TRABD2B: variants seen among roughly 807,000 people sequenced by gnomAD.
TRABD2B encodes metalloprotease TIKI2.
TRABD2B carries 14 observed loss-of-function variants against 40.1 expected under a neutral mutation model. That is an observed-to-expected ratio of 0.35 (90% confidence interval 0.23 to 0.55). The LOEUF (loss-of-function observed/expected upper bound fraction) is 0.55. Among genes scored for constraint, TRABD2B ranks in the 20% least tolerant of loss-of-function variants. The pLI is 0.90. For missense variants in TRABD2B, 541 were observed against 648.6 expected (o/e 0.83, Z 1.80); for synonymous variants, 263 against 277.0 (o/e 0.95, Z 0.50).
At chr1:47,959,204 T>C (rs1004647817) in intron 2 of TRABD2B, among the ~76,000 whole-genome samples, 1 of 152,004 alleles carries the variant, frequency 6.6e-6, no homozygotes, top group African/African-American at 2.4e-5. Context: ...CTGGGACACA[T>C]TTAAAGCACT....
chr1:47,927,790 C>T (rs1460329673), intron 2 of TRABD2B, among the ~76,000 whole-genome samples: 1 of 152,228 alleles, frequency 6.6e-6, no homozygotes, highest in Non-Finnish European at 1.5e-5. Context: ...GGGAGACATT[C>T]TCCTTGCCCT....
At chr1:47,858,081 T>C (rs182729936) in intron 2 of TRABD2B, among the ~76,000 whole-genome samples, 11 of 152,234 alleles carry the variant, frequency 7.2e-5, no homozygotes, top group African/African-American at 2.4e-4. Context: ...GCTGAATTTA[T>C]AAATCAAACT....
At chr1:47,781,343 G>C (rs572099332) in intron 4 of TRABD2B, among the ~76,000 whole-genome samples, 1 of 152,320 alleles carries the variant, frequency 6.6e-6, no homozygotes, top group South Asian at 2.1e-4. Context: ...GGGCTGTACA[G>C]GAGCAGCAGC....
chr1:47,924,136 C>T (rs945484503), intron 2 of TRABD2B, among the ~76,000 whole-genome samples: 11 of 152,034 alleles, frequency 7.2e-5, no homozygotes, highest in Admixed American at 2.0e-4. Flanking sequence ...CACTCTGCCA[C>T]GGAATACGTG....
chr1:47,781,632 C>A (rs1052492506), intron 4 of TRABD2B, among the ~76,000 whole-genome samples: 1 of 152,212 alleles, frequency 6.6e-6, no homozygotes, highest in South Asian at 2.1e-4. Flanking sequence ...CAGGAATAAT[C>A]CTTCCAATTC....
intron 2 of TRABD2B, among the ~76,000 whole-genome samples, chr1:47,953,183 A>G (rs1324540469): frequency 6.6e-6 from 1 of 152,234 alleles, no homozygotes; most frequent in Non-Finnish European, 1.5e-5. Flanking sequence ...CGAGAGCACC[A>G]GGCATGCAGG....
intron 2 of TRABD2B, among the ~76,000 whole-genome samples, chr1:47,888,051 A>C (rs1644394206): frequency 6.6e-6 from 1 of 152,010 alleles, no homozygotes; most frequent in Non-Finnish European, 1.5e-5. Flanking sequence ...CCCATAATAC[A>C]TCTGTTTATT....
chr1:47,990,079 ACTC>A (rs1470778719), intron 2 of TRABD2B, among the ~76,000 whole-genome samples: 1 of 152,224 alleles, frequency 6.6e-6, no homozygotes, highest in Non-Finnish European at 1.5e-5. Context: ...GTGGTTTCTA[ACTC>A]CTCAAGTGAG....
chr1:47,771,939 C>G (rs910779519), intron 6 of TRABD2B, among the ~76,000 whole-genome samples: 5 of 152,188 alleles, frequency 3.3e-5, no homozygotes, highest in African/African-American at 1.2e-4. Context: ...CCCTCCTTCT[C>G]ACACTCGCTC....
chr1:47,944,167 G>C (rs1489810652), intron 2 of TRABD2B, among the ~76,000 whole-genome samples: 8 of 152,260 alleles, frequency 5.3e-5, no homozygotes, highest in Non-Finnish European at 8.8e-5. Flanking sequence ...AGGAATGGAG[G>C]GGCCACAGAA....
chr1:47,762,547 T>TC lies in TRABD2B; in HGVS notation c.*3354dup, dbSNP rs1175956777. 1 of 152,226 alleles carries TC rather than the reference T, an allele frequency of 6.6e-6. No individual in the cohort carries two copies. Among genetic ancestry groups the TC allele is most frequent in the Non-Finnish European group, 1.5e-5 (1 of 68,050 alleles). The allele number at this position is 152,226 out of a possible 1,614,324, so 9.4% of individuals were successfully genotyped here. On this transcript the variant is annotated 3_prime_UTR_variant, in exon 7 of 7. Transcript: ENST00000606738. ...CAAGGGGCCTGAGCACCTAGGCTTG[T>TC]CCAGGTCTAGCCGAGGCCAGGAAGT... is the stretch of plus-strand genomic sequence containing the variant.
chr1:47,992,753 G>A (rs1442062967), intron 2 of TRABD2B, among the ~76,000 whole-genome samples: 8 of 152,230 alleles, frequency 5.3e-5, no homozygotes, highest in Admixed American at 3.3e-4. Flanking sequence ...ATTTTCCCCC[G>A]TGGAGAAGGA....
intron 5 of TRABD2B, among the ~76,000 whole-genome samples, chr1:47,776,197 T>C (rs1644445134): frequency 6.6e-6 from 1 of 152,070 alleles, no homozygotes; most frequent in Non-Finnish European, 1.5e-5. Flanking sequence ...CAACCTTCCA[T>C]TCATACATTC....
intron 2 of TRABD2B, among the ~76,000 whole-genome samples, chr1:47,981,234 G>A (rs973571885): frequency 2.6e-5 from 4 of 152,000 alleles, no homozygotes; most frequent in Admixed American, 1.3e-4. Context: ...GATTGGTTTC[G>A]AACTCCTGGC....
At chr1:47,827,306 G>A (rs1557597262) in intron 2 of TRABD2B, among the ~76,000 whole-genome samples, 1 of 152,214 alleles carries the variant, frequency 6.6e-6, no homozygotes, top group Admixed American at 6.5e-5. Context: ...CCGAAGACAC[G>A]CTTGATTTCT....
chr1:47,819,281 C>T (rs1341948404), intron 2 of TRABD2B: 1 of 152,306 alleles, frequency 6.6e-6, no homozygotes, highest in Non-Finnish European at 1.5e-5. Context: ...CGGCCCATGC[C>T]AGTGGAGTGT....
chr1:47,778,339 G>A, intron 5 of TRABD2B, 115 bp downstream of exon 5: 1 of 751,222 alleles, frequency 1.3e-6, no homozygotes, highest in Admixed American at 2.2e-5. Flanking sequence ...TTCCATTCTT[G>A]CTTCCTGGTA....
At chr1:47,908,121 T>A (rs1644702943) in intron 2 of TRABD2B, among the ~76,000 whole-genome samples, 1 of 152,218 alleles carries the variant, frequency 6.6e-6, no homozygotes, top group East Asian at 1.9e-4. Context: ...AGTGGGAAGA[T>A]GTTCATGATA....
chr1:47,962,373 C>CAAAT (rs1324448108), intron 2 of TRABD2B, among the ~76,000 whole-genome samples: 1 of 151,950 alleles, frequency 6.6e-6, no homozygotes, highest in Non-Finnish European at 1.5e-5. Context: ...AACAAACAAA[C>CAAAT]AAATAAATAA....
Sources: allele counts gnomAD v4.1 joint callset (sites outside exome capture counted in the v4.1 genomes callset), GRCh38; gene constraint gnomAD v4.1.1; transcripts MANE v1.5; gene names NCBI Gene and HGNC (gene_info 2026-07-23, HGNC 2026-07-21).